PLCE1: variants seen among roughly 807,000 people sequenced by gnomAD.
PLCE1 encodes phospholipase C epsilon 1.
In PLCE1, 119 loss-of-function variants were observed where a neutral mutation model predicts 242.8. That is an observed-to-expected ratio of 0.49 (90% CI 0.42 to 0.57). PLCE1 has a LOEUF of 0.57. Ranked by LOEUF, PLCE1 falls within the 20% of genes least tolerant of loss-of-function variation. The pLI is 0.00. For synonymous variants in PLCE1, 945 were observed against 1,017.4 expected (o/e 0.93, Z 1.35); for missense variants, 2,441 against 2,788.8 (o/e 0.88, Z 2.81).
chr10:94,246,464 C>A lies in PLCE1; in HGVS notation c.2939C>A (p.Thr980Asn). 6.2e-7 allele frequency: 1 copy of A among 1,614,158 alleles called. No homozygotes were observed. Among genetic ancestry groups the A allele is most frequent in the Non-Finnish European group, 8.5e-7 (1 of 1,180,012 alleles). Residue 980 changes from threonine (T) to asparagine (N), a missense_variant, in exon 8 of 33, where the codon ACC becomes AAC. By Grantham distance (65) the Thr-to-Asn change is moderately conservative (BLOSUM62 0). Coordinates refer to ENST00000371380, the MANE Select transcript of PLCE1 (RefSeq NM_016341.4). Reference sequence around the variant, plus strand: ...GTGACATTGCTCTATGGGCTTCAGACCACAGACAACAGATTATTGCACTTC... The same window carrying A: ...GTGACATTGCTCTATGGGCTTCAGAACACAGACAACAGATTATTGCACTTC... Reference protein sequence around the residue: ...TGVTLLYGLQTTDNRLLHFVA... With the variant: ...TGVTLLYGLQNTDNRLLHFVA...
intron 13 of PLCE1, among the ~76,000 whole-genome samples, chr10:94,261,102 G>A (rs527464234): frequency 1.1e-4 from 16 of 152,070 alleles, no homozygotes; most frequent in Admixed American, 2.6e-4. Context: ...TATCATACAG[G>A]ACAGTTTCAC....
At chr10:94,186,367 CT>C (rs1304698082) in intron 4 of PLCE1, among the ~76,000 whole-genome samples, 1 of 152,196 alleles carries the variant, frequency 6.6e-6, no homozygotes, top group Non-Finnish European at 1.5e-5. Flanking sequence ...CATCATTTCT[CT>C]GCATAGGTTG....
intron 2 of PLCE1, among the ~76,000 whole-genome samples, chr10:94,049,846 A>G (rs1441033284): frequency 1.3e-5 from 2 of 152,174 alleles, no homozygotes; most frequent in African/African-American, 4.8e-5. Context: ...ATTTTTGAAC[A>G]TTATATAAAA....
intron 29 of PLCE1, among the ~76,000 whole-genome samples, chr10:94,317,588 A>G (rs2133808303): frequency 6.6e-6 from 1 of 152,364 alleles, no homozygotes; most frequent in South Asian, 2.1e-4. Flanking sequence ...AAGTAAGAAT[A>G]ATATCTTGGC....
intron 11 of PLCE1, among the ~76,000 whole-genome samples, chr10:94,257,772 G>A (rs1013818762): frequency 6.6e-6 from 1 of 152,162 alleles, no homozygotes; most frequent in Admixed American, 6.6e-5. Flanking sequence ...GGCCTGTTGT[G>A]GGGTGGAGGG....
chr10:94,146,162 T>C (rs2047104928), intron 3 of PLCE1, among the ~76,000 whole-genome samples: 1 of 152,114 alleles, frequency 6.6e-6, no homozygotes, highest in South Asian at 2.1e-4. Context: ...GCACCCTCTA[T>C]AGGAAGGAGA....
intron 3 of PLCE1, among the ~76,000 whole-genome samples, chr10:94,162,504 C>T (rs1167481924): frequency 6.6e-6 from 1 of 151,940 alleles, no homozygotes; most frequent in Non-Finnish European, 1.5e-5. Context: ...GTGTGATATC[C>T]CCTTTATCAT....
rs770620916 is a variant in PLCE1, at chr10:94,171,336, T to C, written c.1649T>C (p.Val550Ala). The change falls in exon 4 of 33, where the codon GTC becomes GCC. Residue 550 changes from valine to alanine, a missense_variant. Physicochemically the swap from Val to Ala is moderately conservative, Grantham distance 64 (BLOSUM62 0). Around this residue, in one of 5 missense-constraint regions of PLCE1, gnomAD observed 733 missense variants for 754.2 expected, o/e 0.97. Coordinates refer to ENST00000371380, the MANE Select transcript of PLCE1 (RefSeq NM_016341.4). ...MEQEQTIYRRVLPVDYLCFLT... is the reference protein window; with the variant it reads ...MEQEQTIYRRALPVDYLCFLT... ...CAAGAGCAGACTATTTACCGCAGGG[T>C]CTTGCCAGTCGACTACCTTTGCTTC... The C allele has an allele frequency of 1.3e-5, 21 of 1,614,012 alleles. No homozygotes were observed. The highest frequency in any genetic ancestry group is 5.0e-5 in the Admixed American group (3 of 60,000).
chr10:94,170,912 T>G (rs189523686), intron 3 of PLCE1, among the ~76,000 whole-genome samples: 84 of 152,294 alleles, frequency 5.5e-4, no homozygotes, highest in Admixed American at 6.5e-4. Flanking sequence ...TGGGGAATTA[T>G]GTGCTAGATT....
Position 94,244,544 on chromosome 10 carries a change from G to A in PLCE1, c.2421-1402G>A, listed in dbSNP as rs112114395. ...AAATAATCCAGGTTCCTGACTCAGC[G>A]GAGGGAACGTGCTAAATTTTCTATG... On this transcript the variant is annotated intron_variant, in intron 7 of 32. Transcript: ENST00000371380. 4.4e-3 allele frequency among the ~76,000 whole-genome samples: 670 copies of A among 152,200 alleles called. 7 individuals carry two copies. The highest frequency in any genetic ancestry group is 0.015 in the African/African-American group (641 of 41,528).
chr10:94,290,160 A>G (rs1205743819), intron 22 of PLCE1, among the ~76,000 whole-genome samples: 1 of 151,496 alleles, frequency 6.6e-6, no homozygotes, highest in Non-Finnish European at 1.5e-5. Flanking sequence ...CTGAGTGGCT[A>G]GGACTACAGG....
intron 4 of PLCE1, among the ~76,000 whole-genome samples, chr10:94,187,518 C>G (rs1253209329): frequency 6.6e-6 from 1 of 152,102 alleles, no homozygotes; most frequent in African/African-American, 2.4e-5. Flanking sequence ...GTACTGGATA[C>G]CCGATGGCTC....
intron 2 of PLCE1, among the ~76,000 whole-genome samples, chr10:94,063,662 T>C (rs2044122480): frequency 6.6e-6 from 1 of 152,194 alleles, no homozygotes; most frequent in South Asian, 2.1e-4. Context: ...ACGATGTGGT[T>C]CTTCTCTTGG....
chr10:94,283,726 C>T lies in PLCE1; in HGVS notation c.4796-64C>T, dbSNP rs550435070. ...GTATCTGGATGTCCTCACAGTGATG[C>T]ACATGTAGCTCTTAAGTGAAGCATT... On this transcript the variant is annotated intron_variant, in intron 20 of 32. Transcript: ENST00000371380. 3 of 1,554,106 alleles carry T rather than the reference C, an allele frequency of 1.9e-6. No homozygotes were observed. In the African/African-American group the frequency reaches 4.1e-5, roughly 21 times the overall value.
At chr10:94,096,792 G>A (rs2045331291) in intron 2 of PLCE1, 1 of 152,126 alleles carries the variant, frequency 6.6e-6, no homozygotes, top group Non-Finnish European at 1.5e-5. Context: ...ACAATAAAGG[G>A]GAAAAATTCC....
At chr10:94,223,276 C>G (rs935937534) in intron 4 of PLCE1, among the ~76,000 whole-genome samples, 6 of 145,564 alleles carry the variant, frequency 4.1e-5, no homozygotes, top group Admixed American at 3.4e-4. Flanking sequence ...GATGGGGAAG[C>G]CTTCCTGCAG....
rs2054157297 is a variant in PLCE1, at chr10:94,331,685, A to G, written c.*3742A>G. ...AGAAAAGGGAGATTGTCTCTTATAC[A>G]GAGTCTAGACTTGGGTCAATATTCC... On this transcript the variant is annotated 3_prime_UTR_variant, in exon 33 of 33. Transcript: ENST00000371380. The G allele has an allele frequency of 6.6e-6, 1 of 152,180 alleles. No homozygotes were observed. Among genetic ancestry groups the G allele is most frequent in the African/African-American group, 2.4e-5 (1 of 41,440 alleles). 9.4% of individuals were successfully genotyped at this position (152,180 alleles called of 1,614,324 possible).
At chr10:94,041,945 C>G (rs183190954) in intron 2 of PLCE1, among the ~76,000 whole-genome samples, 287 of 151,962 alleles carry the variant, frequency 1.9e-3, no homozygotes, top group Non-Finnish European at 2.8e-3. Flanking sequence ...GAGCAAGTCA[C>G]TTTAGGGCCG....
chr10:94,202,334 C>T (rs2049011879), intron 4 of PLCE1, among the ~76,000 whole-genome samples: 1 of 152,016 alleles, frequency 6.6e-6, no homozygotes, highest in South Asian at 2.1e-4. Context: ...ATAGTGATGC[C>T]TTTAAAGGAT....
Sources: gnomAD v4.1 joint callset for allele counts (sites outside exome capture counted in the v4.1 genomes callset) on GRCh38, gnomAD v4.1.1 for gene constraint, gnomAD v4.1.1 regional missense constraint, MANE v1.5 for transcripts, NCBI Gene and HGNC (gene_info 2026-07-23, HGNC 2026-07-21) for gene names.